The following COL4A3 variants were observed in gnomAD, a reference collection of about 807,000 sequenced individuals.
COL4A3 encodes the protein collagen type IV alpha 3 chain, also known as collagen alpha-3(IV) chain.
In COL4A3, 135 loss-of-function variants were observed where a neutral mutation model predicts 217.4. The observed-to-expected ratio is 0.62, with a 90% CI of 0.54 to 0.72. COL4A3 has a LOEUF of 0.72. Among genes scored for constraint, COL4A3 ranks in the 30% least tolerant of loss-of-function variants. The probability of loss-of-function intolerance (pLI) is 0.00; values close to 1 mark genes in which losing one functional copy is unlikely to be tolerated. For missense variants in COL4A3, 1,868 were observed against 2,119.9 expected (o/e 0.88, Z 2.33); for synonymous variants, 690 against 736.3 (o/e 0.94, Z 1.02).
chr2:227,199,219 T>C (rs2066592989), intron 1 of COL4A3, among the ~76,000 whole-genome samples: 1 of 152,186 alleles, frequency 6.6e-6, no homozygotes, highest in African/African-American at 2.4e-5. Flanking sequence ...TCCACTTTCT[T>C]CCGGAGGATT....
intron 38 of COL4A3, among the ~76,000 whole-genome samples, 178 bp downstream of exon 38, chr2:227,293,495 T>G (rs2072877539): frequency 6.6e-6 from 1 of 152,224 alleles, no homozygotes; most frequent in African/African-American, 2.4e-5. Context: ...CCAATTTTAC[T>G]AATCAGCCCA....
chr2:227,281,273 T>C (rs2071946860), intron 31 of COL4A3, among the ~76,000 whole-genome samples: 1 of 152,114 alleles, frequency 6.6e-6, no homozygotes, highest in Admixed American at 6.6e-5. Flanking sequence ...AAGACAGAGA[T>C]TGGTGTGTGT....
Position 227,311,999 on chromosome 2 carries a change from A to T in COL4A3, c.*129A>T. ...CCATGATGACTTAGTACAAAGTTTC[A>T]ATTTGTTTCCCCACAAAACAAAGCA... On this transcript the variant is annotated 3_prime_UTR_variant, in exon 52 of 52. Transcript: ENST00000396578. The T allele has an allele frequency of 4.0e-6, 6 of 1,483,016 alleles. No homozygotes were observed. Among genetic ancestry groups the T allele is most frequent in the Non-Finnish European group, 4.6e-6 (5 of 1,093,930 alleles). The allele number at this position is 1,483,016 out of a possible 1,614,324, so 91.9% of individuals were successfully genotyped here. A position where few individuals can be genotyped will look rare whatever the true frequency, so the allele number is the denominator to read the frequency against.
chr2:227,185,614 A>G (rs2066005699), intron 1 of COL4A3, among the ~76,000 whole-genome samples: 1 of 152,220 alleles, frequency 6.6e-6, no homozygotes, highest in African/African-American at 2.4e-5. Context: ...CCCTACTCCC[A>G]TCACCATGTA....
intron 1 of COL4A3, among the ~76,000 whole-genome samples, chr2:227,216,465 A>G (rs2067533002): frequency 2.0e-5 from 3 of 152,196 alleles, no homozygotes; most frequent in Admixed American, 6.5e-5. Flanking sequence ...AAGTAATTCA[A>G]TCGAGCTTTA....
Position 227,297,858 on chromosome 2 carries a change from A to C in COL4A3, c.3750A>C (p.Pro1250=). 6.4e-7 allele frequency: 1 copy of C among 1,555,880 alleles called. No individual in the cohort carries two copies. The highest frequency in any genetic ancestry group is 8.7e-7 in the Non-Finnish European group (1 of 1,148,988). Residue 1250 remains proline, a splice_region_variant and synonymous_variant, in exon 42 of 52, where the codon CCA becomes CCC. Coordinates refer to ENST00000396578, the MANE Select transcript of COL4A3 (RefSeq NM_000091.5). ...NRGPPGSRGS[P]GAPGPPGPPG... is the part of the protein sequence containing the mutation. ...GTCCACCAGGCTCAAGAGGAAGCCC[A>C]GGTAAAGGGTTTACTTTTAAACAGC...
chr2:227,251,450 T>A, intron 11 of COL4A3, 79 bp downstream of exon 11: 2 of 1,374,530 alleles, frequency 1.5e-6, no homozygotes, highest in Non-Finnish European at 1.0e-6. Context: ...CTTCTTCATG[T>A]GGGTCACTGT....
intron 1 of COL4A3, among the ~76,000 whole-genome samples, chr2:227,204,523 C>G (rs956190036): frequency 6.6e-6 from 1 of 152,160 alleles, no homozygotes; most frequent in Non-Finnish European, 1.5e-5. Context: ...CGAAGGGACC[C>G]GTGCAAATGA....
chr2:227,202,746 AATAT>A lies in COL4A3; in HGVS notation c.88-35199_88-35196del, dbSNP rs56134612. On this transcript the variant is annotated intron_variant, in intron 1 of 51. Coordinates refer to ENST00000396578, the MANE Select transcript of COL4A3 (RefSeq NM_000091.5). ...CGAGAATCCGTCTCTAAAAAAAAAAAATATATATATATATATATATATATATCAC... is the reference window on the plus strand; with the variant it reads ...CGAGAATCCGTCTCTAAAAAAAAAAAATATATATATATATATATATATCAC... 1.7e-3 allele frequency among the ~76,000 whole-genome samples: 38 copies of A among 22,210 alleles called. 1 individual carries two copies. Among genetic ancestry groups the A allele is most frequent in the South Asian group, 3.6e-3 (2 of 550 alleles). The allele number at this position is 22,210 out of a possible 152,430, so 14.6% of individuals were successfully genotyped here.
chr2:227,269,964 G>A lies in COL4A3; in HGVS notation c.1559G>A (p.Gly520Asp), dbSNP rs1574745989. The change falls in exon 24 of 52, where the codon GGT becomes GAT. Residue 520 changes from glycine to aspartate, a missense_variant. By Grantham distance (94) the Gly-to-Asp change is moderately conservative. Around this residue, in one of 2 missense-constraint regions of COL4A3, gnomAD observed 1,503 missense variants for 1,786.1 expected, o/e 0.84. Coordinates refer to ENST00000396578, the MANE Select transcript of COL4A3 (RefSeq NM_000091.5). ...AGCCCAGGGTCCCCAGGAAATACAG[G>A]TCTTCCAGGATTTCCAGTAAGATTT... ...KGSPGSPGNT[G>D]LPGFPGFPGA... is the part of the protein sequence containing the mutation. The A allele has an allele frequency of 6.2e-7, 1 of 1,613,738 alleles. No individual in the cohort carries two copies. Among genetic ancestry groups the A allele is most frequent in the Non-Finnish European group, 8.5e-7 (1 of 1,179,736 alleles).
chr2:227,298,926 A>G (rs1033697065), intron 43 of COL4A3, 114 bp downstream of exon 43: 3 of 1,035,702 alleles, frequency 2.9e-6, no homozygotes, highest in Non-Finnish European at 4.2e-6. Flanking sequence ...GTCCATTCTC[A>G]TGATGTTAAT....
At chr2:227,247,422 A>G (rs1181983497) in intron 7 of COL4A3, 136 bp from the exon 8 acceptor site, 4 of 810,320 alleles carry the variant, frequency 4.9e-6, no homozygotes, top group Non-Finnish European at 8.8e-6. Context: ...AGATTAAGGG[A>G]AGACTTTGCT....
intron 41 of COL4A3, chr2:227,296,496 A>G: frequency 1.0e-6 from 1 of 981,932 alleles, no homozygotes; most frequent in Non-Finnish European, 1.2e-6. Context: ...GGATAACTAA[A>G]TATGGAGAAG....
intron 1 of COL4A3, among the ~76,000 whole-genome samples, chr2:227,176,953 G>T (rs1391446315): frequency 6.6e-6 from 1 of 152,074 alleles, no homozygotes; most frequent in Non-Finnish European, 1.5e-5. Flanking sequence ...AGTTATATGT[G>T]CTGTACAAAA....
At chr2:227,256,270 A>G (rs1333012873) in intron 16 of COL4A3, 73 bp from the exon 17 acceptor site, 1 of 1,405,444 alleles carries the variant, frequency 7.1e-7, no homozygotes, top group Non-Finnish European at 1.0e-6. Context: ...GAGGAGTTCA[A>G]ATTGCACCTG....
chr2:227,245,733 T>C (rs2069295598), intron 5 of COL4A3: 6 of 595,508 alleles, frequency 1.0e-5, no homozygotes, highest in Non-Finnish European at 1.8e-5. Context: ...GTTTGCTTTA[T>C]TTGAAATATC....
chr2:227,284,152 T>C, intron 33 of COL4A3, 59 bp from the exon 34 acceptor site: 1 of 1,611,612 alleles, frequency 6.2e-7, no homozygotes, highest in Non-Finnish European at 8.5e-7. Flanking sequence ...GCCAACTTTT[T>C]AATCCCTATG....
At chr2:227,277,335 AAAAAAC>A (rs1293308980) in intron 27 of COL4A3, 108 bp from the exon 28 acceptor site, 4 of 741,162 alleles carry the variant, frequency 5.4e-6, no homozygotes, top group Admixed American at 2.5e-5. Context: ...AAAAAAAAAA[AAAAAAC>A]AATGTGCAAA....
chr2:227,304,783 A>C (rs551460676), intron 46 of COL4A3, among the ~76,000 whole-genome samples: 1 of 152,296 alleles, frequency 6.6e-6, no homozygotes, highest in East Asian at 1.9e-4. Context: ...CTCATAGTTC[A>C]TTTTCGAGAG....
Sources: allele counts gnomAD v4.1 joint callset (sites outside exome capture counted in the v4.1 genomes callset), GRCh38; gene constraint gnomAD v4.1.1; regional missense constraint gnomAD v4.1.1; transcripts MANE v1.5; gene names NCBI Gene and HGNC (gene_info 2026-07-23, HGNC 2026-07-21).